SPAG16: variants seen among roughly 807,000 people sequenced by gnomAD.
The protein encoded by SPAG16 is sperm associated antigen 16.
A neutral mutation model predicts 80.4 loss-of-function variants in SPAG16; 86 were observed. The ratio of observed to expected loss-of-function variants is 1.07; its 90% CI spans 0.90 to 1.28. SPAG16 has a LOEUF of 1.28. SPAG16 is among the 50% of genes most tolerant of loss of function. The pLI is 0.00. For missense variants in SPAG16, 870 were observed against 765.3 expected (o/e 1.14, Z -1.61); for synonymous variants, 294 against 265.9 (o/e 1.11, Z -1.03).
Position 213,493,908 on chromosome 2 carries a change from C to T in SPAG16, c.1070+3818C>T, listed in dbSNP as rs150127676. On this transcript the variant is annotated intron_variant, in intron 10 of 15. Transcript: ENST00000331683. ...AAGTGCGGACTGAATTAATAGCCTC[C>T]ACTTGTCCTTGCCATTCTCCTCTGC... is the stretch of plus-strand genomic sequence containing the variant. 1.3e-3 allele frequency among the ~76,000 whole-genome samples: 197 copies of T among 152,288 alleles called. No individual in the cohort carries two copies. In the Middle Eastern group the frequency reaches 0.014, roughly 11 times the overall value.
chr2:214,018,534 A>G (rs2047702087), intron 13 of SPAG16, among the ~76,000 whole-genome samples: 1 of 152,144 alleles, frequency 6.6e-6, no homozygotes, highest in Non-Finnish European at 1.5e-5. Context: ...TATGGATGAC[A>G]TTATTTGATT....
intron 15 of SPAG16, among the ~76,000 whole-genome samples, chr2:214,261,675 T>A (rs924592533): frequency 2.0e-5 from 3 of 152,196 alleles, no homozygotes; most frequent in Non-Finnish European, 2.9e-5. Context: ...AACAGAGTAA[T>A]TTTTTATTTG....
At chr2:213,702,341 A>C (rs113824900) in intron 10 of SPAG16, among the ~76,000 whole-genome samples, 1 of 152,218 alleles carries the variant, frequency 6.6e-6, no homozygotes, top group Non-Finnish European at 1.5e-5. Context: ...CATGCTGTGG[A>C]AGGTTTGTTC....
In SPAG16 at chr2:213,714,115, C is replaced by T. The variant is rs186064732; in HGVS notation, c.1071-148370C>T. ...AGTGATCTTGGATCCCTGGTAAATC[C>T]TGCCTCAGATACTGAATGTAGAGGT... On this transcript the variant is annotated intron_variant, in intron 10 of 15. Transcript: ENST00000331683. 1.5e-3 allele frequency among the ~76,000 whole-genome samples: 228 copies of T among 152,250 alleles called. 2 individuals are homozygous for T. The highest frequency in any genetic ancestry group is 5.2e-3 in the African/African-American group (218 of 41,532).
intron 12 of SPAG16, among the ~76,000 whole-genome samples, chr2:213,958,646 T>C (rs1270729806): frequency 6.6e-6 from 1 of 152,136 alleles, no homozygotes; most frequent in African/African-American, 2.4e-5. Flanking sequence ...AAACATAAAC[T>C]AACAATTATT....
At chr2:214,126,193 G>C (rs1421234140) in intron 14 of SPAG16, among the ~76,000 whole-genome samples, 1 of 150,914 alleles carries the variant, frequency 6.6e-6, no homozygotes. Flanking sequence ...ACGGAGAAGG[G>C]AGAAGGGAGA....
intron 10 of SPAG16, among the ~76,000 whole-genome samples, chr2:213,544,310 A>G (rs780444106): frequency 6.6e-6 from 1 of 152,058 alleles, no homozygotes; most frequent in Non-Finnish European, 1.5e-5. Flanking sequence ...TGAGTACAAT[A>G]CCTTCTTTTA....
intron 15 of SPAG16, among the ~76,000 whole-genome samples, chr2:214,310,479 T>C (rs757463689): frequency 8.0e-5 from 12 of 150,104 alleles, no homozygotes; most frequent in Non-Finnish European, 1.3e-4. Context: ...CTTTTTGTTT[T>C]GTTTTGGTTT....
intron 9 of SPAG16, among the ~76,000 whole-genome samples, chr2:213,412,394 C>T (rs551838299): frequency 1.3e-4 from 20 of 152,000 alleles, no homozygotes; most frequent in Non-Finnish European, 2.2e-4. Flanking sequence ...TCTGTAAGTG[C>T]GCACCTTTCT....
chr2:213,869,264 A>AAT (rs1553648742), intron 11 of SPAG16, among the ~76,000 whole-genome samples: 53 of 63,588 alleles, frequency 8.3e-4, no homozygotes, highest in African/African-American at 1.7e-3. Flanking sequence ...AAAAAAAAAA[A>AAT]ATATATATAT....
intron 6 of SPAG16, among the ~76,000 whole-genome samples, chr2:213,349,287 T>G (rs537112373): frequency 1.6e-4 from 24 of 152,148 alleles, no homozygotes; most frequent in Non-Finnish European, 2.9e-4. Flanking sequence ...AAGAGCAAAT[T>G]ACAACCAAGA....
intron 11 of SPAG16, among the ~76,000 whole-genome samples, chr2:213,926,387 C>T (rs1337328362): frequency 2.6e-5 from 4 of 152,040 alleles, no homozygotes; most frequent in Non-Finnish European, 4.4e-5. Flanking sequence ...CCCCTCGCCC[C>T]ACTTCCATTC....
chr2:214,365,813 T>C (rs1262853120), intron 15 of SPAG16, among the ~76,000 whole-genome samples: 1 of 152,168 alleles, frequency 6.6e-6, no homozygotes, highest in African/African-American at 2.4e-5. Context: ...GATCTGTTTC[T>C]TTCTACAAGT....
At chr2:213,372,966 G>T (rs992324317) in intron 8 of SPAG16, among the ~76,000 whole-genome samples, 2 of 152,162 alleles carry the variant, frequency 1.3e-5, no homozygotes, top group African/African-American at 4.8e-5. Context: ...TTTAGCACTG[G>T]AAGGTACAAT....
chr2:213,304,541 A>T (rs2062864541), intron 3 of SPAG16, among the ~76,000 whole-genome samples: 1 of 152,000 alleles, frequency 6.6e-6, no homozygotes, highest in Admixed American at 6.6e-5. Context: ...ATCCATTTTG[A>T]TTTGATTTTG....
chr2:213,510,444 G>C (rs1000963259), intron 10 of SPAG16, among the ~76,000 whole-genome samples: 1 of 151,798 alleles, frequency 6.6e-6, no homozygotes, highest in Non-Finnish European at 1.5e-5. Flanking sequence ...AGTATAACAT[G>C]CTGTCACCAT....
At chr2:214,288,340 G>C (rs897539624) in intron 15 of SPAG16, among the ~76,000 whole-genome samples, 1 of 152,108 alleles carries the variant, frequency 6.6e-6, no homozygotes, top group Non-Finnish European at 1.5e-5. Context: ...GGACAATTAT[G>C]TTGATTCCAT....
At chr2:214,212,096 G>A (rs1263744598) in intron 15 of SPAG16, among the ~76,000 whole-genome samples, 6 of 151,966 alleles carry the variant, frequency 3.9e-5, no homozygotes, top group Non-Finnish European at 7.4e-5. Context: ...AAATTCTCCA[G>A]TGAATTCACA....
chr2:213,936,021 G>A (rs899366970), intron 12 of SPAG16, among the ~76,000 whole-genome samples: 1 of 147,530 alleles, frequency 6.8e-6, no homozygotes, highest in Non-Finnish European at 1.5e-5. Context: ...AGGTGAAAAG[G>A]GATAGCAGGC....
Sources: allele counts gnomAD v4.1 joint callset (sites outside exome capture counted in the v4.1 genomes callset), GRCh38; gene constraint gnomAD v4.1.1; transcripts MANE v1.5; gene names NCBI Gene and HGNC (gene_info 2026-07-23, HGNC 2026-07-21).